The following GOLGA3 variants were observed in gnomAD, a reference collection of about 807,000 sequenced individuals.
GOLGA3 encodes golgin subfamily A member 3.
A neutral mutation model predicts 169.4 loss-of-function variants in GOLGA3; 75 were observed. The ratio of observed to expected loss-of-function variants is 0.44; its 90% CI spans 0.37 to 0.54. GOLGA3 has a LOEUF of 0.54. GOLGA3 is among the 20% of genes least tolerant of loss of function. GOLGA3 has a pLI of 0.00. For synonymous variants in GOLGA3, 824 were observed against 822.4 expected, an observed-to-expected ratio of 1.00 and a Z score of -0.03; for missense variants, 1,899 against 1,930.0, an observed-to-expected ratio of 0.98 and a Z score of 0.30.
chr12:132,797,089 A>G (rs1016306188), intron 9 of GOLGA3, among the ~76,000 whole-genome samples: 1 of 152,250 alleles, frequency 6.6e-6, no homozygotes, highest in Non-Finnish European at 1.5e-5. Context: ...ACATCGGGGT[A>G]CACTTCTTAG....
At chr12:132,827,239 C>A (rs1950459638) in intron 1 of GOLGA3, among the ~76,000 whole-genome samples, 1 of 152,220 alleles carries the variant, frequency 6.6e-6, no homozygotes, top group Non-Finnish European at 1.5e-5. Context: ...AAAAGAGTAC[C>A]TGGTGGAGGC....
chr12:132,819,242 T>C lies in GOLGA3; in HGVS notation c.134-2430A>G, dbSNP rs1033373966. On this transcript the variant is annotated intron_variant, in intron 2 of 23. Coordinates refer to ENST00000450791, the MANE Select transcript of GOLGA3 (RefSeq NM_001389683.1). Reference sequence around the variant, plus strand: ...TTTGCTCAAGCAAATTAAAAATGAGTTTCTTAGCCGGGCGCGGTGGCTCAC... The same window carrying C: ...TTTGCTCAAGCAAATTAAAAATGAGCTTCTTAGCCGGGCGCGGTGGCTCAC... Among the ~76,000 whole-genome samples, 6 of 152,010 alleles carry C rather than the reference T, an allele frequency of 3.9e-5. No homozygotes were observed. In the South Asian group the frequency reaches 8.3e-4, roughly 21 times the overall value.
At chr12:132,808,645 C>T in intron 4 of GOLGA3, 96 bp from the exon 5 acceptor site, 2 of 962,070 alleles carry the variant, frequency 2.1e-6, no homozygotes, top group Non-Finnish European at 3.2e-6. Context: ...TCACTACTCC[C>T]TCCGCTGACA....
chr12:132,774,316 TTTCTCTG>T lies in GOLGA3; in HGVS notation c.4144-3_4147del. ...AGAGCTGGCCTCGCCTTTCGGCTCC[TTTCTCTG>T]TTTTTAAAAGCACATGATCAGCTTT... On this transcript the variant is annotated splice_acceptor_variant and splice_polypyrimidine_tract_variant and coding_sequence_variant and intron_variant, in exon 23 of 24. Transcript: ENST00000450791. LOFTEE classifies it high-confidence loss of function. The T allele has an allele frequency of 6.2e-7, 1 of 1,611,440 alleles. No individual in the cohort carries two copies. Among genetic ancestry groups the T allele is most frequent in the Non-Finnish European group, 8.5e-7 (1 of 1,180,006 alleles).
rs370824240 is a variant in GOLGA3 at position 132,809,015 on chromosome 12, G to A, written c.520-466C>T. On this transcript the variant is annotated intron_variant, in intron 4 of 23. Coordinates refer to ENST00000450791, the MANE Select transcript of GOLGA3 (RefSeq NM_001389683.1). ...GTAGTGGCCCTGAATGTCGGGCTGC[G>A]CTGTTATTTATTGGATACAAGGCAG... 1.4e-4 allele frequency among the ~76,000 whole-genome samples: 21 copies of A among 152,300 alleles called. No individual in the cohort carries two copies. In the South Asian group the frequency reaches 4.4e-3, roughly 32 times the overall value.
intron 18 of GOLGA3, among the ~76,000 whole-genome samples, chr12:132,778,207 T>C (rs1378451929): frequency 6.6e-6 from 1 of 152,068 alleles, no homozygotes; most frequent in East Asian, 1.9e-4. Context: ...GCTCAGGAGT[T>C]CCAGGCTGCA....
At chr12:132,808,664 GCA>G (rs1949547414) in intron 4 of GOLGA3, 115 bp from the exon 5 acceptor site, 1 of 822,346 alleles carries the variant, frequency 1.2e-6, no homozygotes. Flanking sequence ...CAACCAGAGA[GCA>G]CCACCTCCCC....
intron 4 of GOLGA3, among the ~76,000 whole-genome samples, chr12:132,809,860 G>C (rs987339615): frequency 6.6e-6 from 1 of 151,856 alleles, no homozygotes; most frequent in Non-Finnish European, 1.5e-5. Flanking sequence ...CTCTTGCCTC[G>C]GTGCCTGAGT....
At chr12:132,773,577 G>A (rs532098818) in intron 23 of GOLGA3, among the ~76,000 whole-genome samples, 9 of 152,334 alleles carry the variant, frequency 5.9e-5, no homozygotes, top group African/African-American at 1.9e-4. Context: ...TCGGGGCGCC[G>A]CCTGGCTCCG....
In GOLGA3 at chr12:132,808,558, A is replaced by G; in HGVS notation, c.520-9T>C. 1.3e-6 allele frequency: 2 copies of G among 1,560,032 alleles called. No homozygotes were observed. Among genetic ancestry groups the G allele is most frequent in the African/African-American group, 1.4e-5 (1 of 72,424 alleles). ...GTTGCAGGTTGACTGGACTGAGAAG[A>G]AAACAAAAGTACAAAAATTACATTT... On this transcript the variant is annotated splice_polypyrimidine_tract_variant and intron_variant, in intron 4 of 23. Coordinates refer to ENST00000450791, the MANE Select transcript of GOLGA3 (RefSeq NM_001389683.1).
At chr12:132,782,192 T>A (rs2045644157) in intron 17 of GOLGA3, 104 bp downstream of exon 17, 5 of 1,091,006 alleles carry the variant, frequency 4.6e-6, no homozygotes, top group Non-Finnish European at 7.1e-6. Flanking sequence ...CCGGGTGGGC[T>A]AGGAGTCAGC....
In GOLGA3 at chr12:132,807,167, C is replaced by G; in HGVS notation, c.1290+10G>C. ...GCCGCACGCTGAGATGTCAGTCGAACGTCCGTTACCTGACTCGCCTCCAGT... is the reference window on the plus strand; with the variant it reads ...GCCGCACGCTGAGATGTCAGTCGAAGGTCCGTTACCTGACTCGCCTCCAGT... On this transcript the variant is annotated intron_variant, in intron 6 of 23. Transcript: ENST00000450791. 6.4e-7 allele frequency: 1 copy of G among 1,552,146 alleles called. No homozygotes were observed. Among genetic ancestry groups the G allele is most frequent in the Non-Finnish European group, 8.8e-7 (1 of 1,131,286 alleles).
In GOLGA3 at chr12:132,784,258, T is replaced by C. The variant is rs2045773662; in HGVS notation, c.3173A>G (p.Lys1058Arg). ...CTGCAGTTCCTTTTCCAGCAGCGTC[T>C]TGCTATGACTGACAGCCTGCAGCTC... is the stretch of plus-strand genomic sequence containing the variant. ...EAELQAVSHS[K>R]TLLEKELQEV... The change falls in exon 16 of 24, where the codon AAG becomes AGG. Residue 1058 changes from lysine to arginine, a missense_variant. Physicochemically the swap from Lys to Arg is conservative, Grantham distance 26. Transcript: ENST00000450791. The C allele has an allele frequency of 1.9e-6, 3 of 1,610,984 alleles. No individual in the cohort carries two copies. The highest frequency in any genetic ancestry group is 2.2e-5 in the East Asian group (1 of 44,884).
rs1040877165 is a variant in GOLGA3, at chr12:132,777,411, C to T, written c.3722+255G>A. On this transcript the variant is annotated intron_variant, in intron 19 of 23. Transcript: ENST00000450791. The surrounding 1 kb of genome is among the most constrained non-coding windows in gnomAD (Gnocchi z 4.7). ...CCACAGCATCAGCCCCGCGCCGGGC[C>T]GCCCCTTCCCGCCTCTGACCTGAAG... Among the ~76,000 whole-genome samples, 4 of 152,110 alleles carry T rather than the reference C, an allele frequency of 2.6e-5. No individual in the cohort carries two copies. The highest frequency in any genetic ancestry group is 1.9e-4 in the East Asian group (1 of 5,182).
chr12:132,773,115 G>C lies in GOLGA3; in HGVS notation c.4487C>G (p.Pro1496Arg). The C allele has an allele frequency of 1.3e-6, 2 of 1,580,418 alleles. No homozygotes were observed. Among genetic ancestry groups the C allele is most frequent in the Admixed American group, 3.6e-5 (2 of 55,806 alleles). Reference protein sequence around the residue: ...HSQSRASKEGPGE With the variant: ...HSQSRASKEGRGE The stretch of plus-strand genomic sequence containing the variant: ...GCGAGTCCACAGCAGTCACTCTCCC[G>C]GCCCTTCTTTGGAAGCCCTGCTCTG... Residue 1496 changes from proline to arginine, a missense_variant, in exon 24 of 24, where the codon CCG becomes CGG. By Grantham distance (103) the Pro-to-Arg change is moderately radical. Coordinates refer to ENST00000450791, the MANE Select transcript of GOLGA3 (RefSeq NM_001389683.1).
intron 16 of GOLGA3, chr12:132,783,951 A>G: frequency 6.9e-7 from 1 of 1,443,096 alleles, no homozygotes; most frequent in East Asian, 2.5e-5. Context: ...CCATTCCACC[A>G]AAGAGGCTGT....
intron 1 of GOLGA3, 87 bp from the exon 2 acceptor site, chr12:132,822,398 C>G: frequency 1.4e-6 from 1 of 703,948 alleles, no homozygotes; most frequent in Non-Finnish European, 2.1e-6. Context: ...TCCCAATTTG[C>G]ATACGTACAA....
intron 2 of GOLGA3, among the ~76,000 whole-genome samples, chr12:132,817,400 C>A (rs1950012850): frequency 1.8e-4 from 1 of 5,516 alleles, no homozygotes; most frequent in African/African-American, 4.0e-4. Flanking sequence ...CCTCCACACT[C>A]TAACGTGAAC....
chr12:132,807,118 G>T, intron 6 of GOLGA3, 59 bp downstream of exon 6: 1 of 986,802 alleles, frequency 1.0e-6, no homozygotes, highest in Non-Finnish European at 1.6e-6. Context: ...CCCAACAGAG[G>T]AGCCACACAT....
Sources: gnomAD v4.1 joint callset for allele counts (sites outside exome capture counted in the v4.1 genomes callset) on GRCh38, gnomAD v4.1.1 for gene constraint, Gnocchi (gnomAD v3.1) non-coding constraint, MANE v1.5 for transcripts, NCBI Gene and HGNC (gene_info 2026-07-23, HGNC 2026-07-21) for gene names.